The following HDAC8 variants were observed in gnomAD, a reference collection of about 807,000 sequenced individuals.
HDAC8 encodes histone deacetylase-like 1.
A neutral mutation model predicts 32.2 loss-of-function variants in HDAC8; 1 was observed. The ratio of observed to expected loss-of-function variants is 0.03; its 90% CI spans 0.01 to 0.15. HDAC8 has a LOEUF of 0.15. Among genes scored for constraint, HDAC8 ranks in the 10% least tolerant of loss-of-function variants. HDAC8 has a pLI of 1.00. For missense variants in HDAC8, 117 were observed against 300.0 expected (o/e 0.39, Z 4.51); for synonymous variants, 108 against 113.9 (o/e 0.95, Z 0.33).
At chrX:72,539,317 C>T (rs2050626943) in intron 4 of HDAC8, among the ~76,000 whole-genome samples, 1 of 111,102 alleles carries the variant, frequency 9.0e-6, no homozygotes, top group African/African-American at 3.3e-5. Flanking sequence ...CTGCAACCTC[C>T]GCCTCCCGGG....
intron 4 of HDAC8, among the ~76,000 whole-genome samples, chrX:72,513,764 A>G (rs1405613686): frequency 8.9e-6 from 1 of 112,262 alleles, no homozygotes; most frequent in Non-Finnish European, 1.9e-5. Context: ...AAAATGTAAT[A>G]AACTAGAGAA....
chrX:72,561,215 C>T (rs2051551426), intron 4 of HDAC8, among the ~76,000 whole-genome samples: 1 of 111,754 alleles, frequency 8.9e-6, no homozygotes, highest in Admixed American at 9.5e-5. Flanking sequence ...TTATATGGAA[C>T]CAAAAGCTAA....
chrX:72,473,550 T>C, intron 7 of HDAC8: 1 of 252,574 alleles, frequency 4.0e-6, no homozygotes, highest in Non-Finnish European at 5.5e-6. Context: ...GAAACTGCCA[T>C]ACAGAGAGGT....
chrX:72,334,231 G>A (rs185831772), intron 10 of HDAC8, among the ~76,000 whole-genome samples: 32 of 112,061 alleles, frequency 2.9e-4, no homozygotes, highest in African/African-American at 4.2e-4. Flanking sequence ...AGACCACAGC[G>A]GGCAGACTCA....
In HDAC8 at chrX:72,518,570, C is replaced by T. The variant is rs190399773; in HGVS notation, c.438-23302G>A. On this transcript the variant is annotated intron_variant, in intron 4 of 10. Transcript: ENST00000373573. ...CGTGATATGTTTGTTTCAATATTGA[C>T]CCATAATTATTCATTAAAGTCCATA... Among the ~76,000 whole-genome samples the T allele has an allele frequency of 4.7e-3, 520 of 111,445 alleles. 1 individual carries two copies. The highest frequency in any genetic ancestry group is 0.016 in the African/African-American group (503 of 30,659).
At chrX:72,384,799 G>A (rs971368162) in intron 9 of HDAC8, among the ~76,000 whole-genome samples, 13 of 112,368 alleles carry the variant, frequency 1.2e-4, no homozygotes, top group Non-Finnish European at 1.1e-4. Flanking sequence ...CCTTACCAGT[G>A]TTTTTGTAAC....
At chrX:72,430,866 G>T (rs1345723759) in intron 9 of HDAC8, among the ~76,000 whole-genome samples, 1 of 111,969 alleles carries the variant, frequency 8.9e-6, no homozygotes, top group South Asian at 3.7e-4. Context: ...ACCGAAGTTC[G>T]CAGAGTTCAA....
chrX:72,337,982 C>G (rs1264979991), intron 10 of HDAC8, among the ~76,000 whole-genome samples: 1 of 111,962 alleles, frequency 8.9e-6, no homozygotes, highest in Non-Finnish European at 1.9e-5. Flanking sequence ...ACCTTTGTCA[C>G]CTTGAGTCGA....
intron 9 of HDAC8, among the ~76,000 whole-genome samples, chrX:72,411,214 C>T (rs975528389): frequency 9.1e-6 from 1 of 109,745 alleles, no homozygotes; most frequent in Non-Finnish European, 1.9e-5. Flanking sequence ...TTAGTAGAGA[C>T]GGGGTTTCAA....
intron 9 of HDAC8, among the ~76,000 whole-genome samples, chrX:72,445,039 A>C (rs2047335091): frequency 1.9e-5 from 2 of 107,689 alleles, no homozygotes; most frequent in Non-Finnish European, 3.9e-5. Flanking sequence ...AAGAGGATAC[A>C]AACAAATGGA....
At chrX:72,560,259 T>C (rs2051495533) in intron 4 of HDAC8, among the ~76,000 whole-genome samples, 1 of 111,537 alleles carries the variant, frequency 9.0e-6, no homozygotes, top group Non-Finnish European at 1.9e-5. Flanking sequence ...TCTATAACCT[T>C]ACCCCCAACC....
rs1349564852 is a variant in HDAC8 at position 72,473,844 on chromosome X, T to C, written c.738-9113A>G. On this transcript the variant is annotated intron_variant, in intron 7 of 10. Transcript: ENST00000373573. ...CTAAAACCTTCAGTGGCTCCCAAAA[T>C]GTTTACAGAATATGGTACAAATTTT... is the stretch of plus-strand genomic sequence containing the variant. The C allele has an allele frequency of 1.5e-5, 11 of 753,146 alleles. No homozygotes were observed. The South Asian group carries it at 2.0e-4, about 14-fold the overall frequency. The allele number at this position is 753,146 out of a possible 1,213,427, so 62.1% of individuals were successfully genotyped here.
rs782220515 is a variant in HDAC8, at chrX:72,351,969, T to A, written c.1006-131A>T. 1.5e-5 allele frequency: 7 copies of A among 456,410 alleles called. No homozygotes were observed. The South Asian group carries it at 2.5e-4, about 16-fold the overall frequency. 37.6% of individuals were successfully genotyped at this position (456,410 alleles called of 1,213,427 possible). A position where few individuals can be genotyped will look rare whatever the true frequency, so the allele number is the denominator to read the frequency against. Reference sequence around the variant, plus strand: ...GGAGGCCTCCTTGGGCAGAACAGGATGATGCAGCAGGAAGCCCTGCCTTGG... The same window carrying A: ...GGAGGCCTCCTTGGGCAGAACAGGAAGATGCAGCAGGAAGCCCTGCCTTGG... On this transcript the variant is annotated intron_variant, in intron 9 of 10. Coordinates refer to ENST00000373573, the MANE Select transcript of HDAC8 (RefSeq NM_018486.3).
intron 7 of HDAC8, among the ~76,000 whole-genome samples, chrX:72,476,500 T>C (rs2048339724): frequency 9.0e-6 from 1 of 111,649 alleles, no homozygotes; most frequent in Admixed American, 9.5e-5. Flanking sequence ...CTGCTCTGTG[T>C]CACATCATTT....
chrX:72,340,536 C>G (rs1398276628), intron 10 of HDAC8, among the ~76,000 whole-genome samples: 1 of 101,873 alleles, frequency 9.8e-6, no homozygotes, highest in Non-Finnish European at 2.0e-5. Flanking sequence ...TTGACTTGAA[C>G]TGGAGACCAA....
At chrX:72,451,956 A>G (rs1360549533) in intron 9 of HDAC8, among the ~76,000 whole-genome samples, 2 of 112,156 alleles carry the variant, frequency 1.8e-5, no homozygotes, top group Non-Finnish European at 3.8e-5. Context: ...CTCACTGAGT[A>G]GAGGAGATGG....
chrX:72,474,818 T>C (rs2048287115), intron 7 of HDAC8: 1 of 536,298 alleles, frequency 1.9e-6, no homozygotes. Flanking sequence ...GTTACTCCCT[T>C]TTCTTTGATT....
At chrX:72,487,698 C>T (rs1410396790) in intron 7 of HDAC8, among the ~76,000 whole-genome samples, 1 of 100,654 alleles carries the variant, frequency 9.9e-6, no homozygotes, top group Non-Finnish European at 2.0e-5. Flanking sequence ...GTGGACAGTG[C>T]ACTGAAGAGA....
At chrX:72,563,302 G>T (rs1447536090) in intron 4 of HDAC8, among the ~76,000 whole-genome samples, 4 of 111,623 alleles carry the variant, frequency 3.6e-5, no homozygotes, top group African/African-American at 1.3e-4. Flanking sequence ...TGTAATCCCA[G>T]CACTTTGGGA....
Sources: gnomAD v4.1 joint callset for allele counts (sites outside exome capture counted in the v4.1 genomes callset) on GRCh38, gnomAD v4.1.1 for gene constraint, MANE v1.5 for transcripts, NCBI Gene and HGNC (gene_info 2026-07-23, HGNC 2026-07-21) for gene names.